PKHD1: variants seen among roughly 807,000 people sequenced by gnomAD.
PKHD1 encodes fibrocystin.
A neutral mutation model predicts 412.0 loss-of-function variants in PKHD1; 291 were observed. That is an observed-to-expected ratio of 0.71 (90% CI 0.64 to 0.78). The LOEUF is 0.78. Ranked by LOEUF, PKHD1 falls within the 30% of genes least tolerant of loss-of-function variation. The pLI is 0.00. For missense variants in PKHD1, 4,825 were observed against 4,950.7 expected, an observed-to-expected ratio of 0.97 and a Z score of 0.76; for synonymous variants, 1,777 against 1,821.5, an observed-to-expected ratio of 0.98 and a Z score of 0.62.
At chr6:51,863,286 A>G (rs570391057) in intron 48 of PKHD1, among the ~76,000 whole-genome samples, 1 of 152,168 alleles carries the variant, frequency 6.6e-6, no homozygotes, top group South Asian at 2.1e-4. Context: ...TACGTCCTGT[A>G]AAAACTCAGA....
At chr6:51,836,884 T>A (rs1769326835) in intron 50 of PKHD1, among the ~76,000 whole-genome samples, 1 of 152,212 alleles carries the variant, frequency 6.6e-6, no homozygotes. Flanking sequence ...ATGTATTTGG[T>A]TACCTTTATC....
rs959560823 is a variant in PKHD1 at position 51,930,658 on chromosome 6, G to T, written c.6121+3452C>A. ...GTGTGATTCTACATGACCTGAGCTGGAGTTAAATTAGAATCCATTCAGCAT... is the reference window on the plus strand; with the variant it reads ...GTGTGATTCTACATGACCTGAGCTGTAGTTAAATTAGAATCCATTCAGCAT... On this transcript the variant is annotated intron_variant, in intron 37 of 66. Coordinates refer to ENST00000371117, the MANE Select transcript of PKHD1 (RefSeq NM_138694.4). Among the ~76,000 whole-genome samples, 3 of 152,210 alleles carry T rather than the reference G, an allele frequency of 2.0e-5. No individual in the cohort carries two copies. In the South Asian group the frequency reaches 6.2e-4, roughly 32 times the overall value.
At chr6:51,907,644 AAAATT>A (rs917566715) in intron 40 of PKHD1, among the ~76,000 whole-genome samples, 2 of 152,144 alleles carry the variant, frequency 1.3e-5, no homozygotes, top group Non-Finnish European at 2.9e-5. Context: ...CCTAGAACTT[AAAATT>A]AAATTAAATT....
chr6:51,941,235 C>T (rs946645357), intron 36 of PKHD1, among the ~76,000 whole-genome samples: 1 of 123,802 alleles, frequency 8.1e-6, no homozygotes, highest in Non-Finnish European at 1.7e-5. Flanking sequence ...TACAGCATGG[C>T]CTTTTTTTTT....
intron 27 of PKHD1, among the ~76,000 whole-genome samples, chr6:52,040,272 T>C (rs1400018354): frequency 6.6e-6 from 1 of 152,228 alleles, no homozygotes; most frequent in Non-Finnish European, 1.5e-5. Context: ...TATCTCAATT[T>C]TTTAAGTTAA....
intron 60 of PKHD1, among the ~76,000 whole-genome samples, chr6:51,685,391 C>T (rs577293849): frequency 1.3e-5 from 2 of 152,100 alleles, no homozygotes; most frequent in Non-Finnish European, 2.9e-5. Context: ...AGTCTATGGG[C>T]TGATTATACG....
chr6:51,694,039 T>C (rs1778484194), intron 60 of PKHD1, among the ~76,000 whole-genome samples: 1 of 152,128 alleles, frequency 6.6e-6, no homozygotes, highest in Admixed American at 6.6e-5. Context: ...TAGCATTGAG[T>C]GCTGAGTCCT....
Position 52,050,151 on chromosome 6 carries a change from C to T in PKHD1, c.2279+6G>A. 6.2e-7 allele frequency: 1 copy of T among 1,613,874 alleles called. No homozygotes were observed. ...AAGGGACAGGTGTAAAAAAGCCACT[C>T]CTTACCGTGCAGTGATGAGCGGGAG... On this transcript the variant is annotated splice_donor_region_variant and intron_variant, in intron 22 of 66. Coordinates refer to ENST00000371117, the MANE Select transcript of PKHD1 (RefSeq NM_138694.4).
chr6:51,945,731 T>A (rs1789363248), intron 36 of PKHD1, among the ~76,000 whole-genome samples: 1 of 152,232 alleles, frequency 6.6e-6, no homozygotes, highest in Admixed American at 6.5e-5. Flanking sequence ...AAAACCAGTC[T>A]GTGAGATCAA....
At chr6:51,888,960 C>T (rs1778659030) in intron 43 of PKHD1, among the ~76,000 whole-genome samples, 1 of 151,788 alleles carries the variant, frequency 6.6e-6, no homozygotes, top group Admixed American at 6.6e-5. Context: ...TTCCTATGTG[C>T]CCACGTGCAT....
intron 52 of PKHD1, among the ~76,000 whole-genome samples, chr6:51,805,137 A>G (rs943042265): frequency 3.3e-5 from 5 of 152,218 alleles, no homozygotes; most frequent in African/African-American, 9.6e-5. Context: ...CTACCTGCCC[A>G]TCAATGGTGG....
At chr6:51,803,619 A>C (rs1328307912) in intron 52 of PKHD1, among the ~76,000 whole-genome samples, 1 of 151,684 alleles carries the variant, frequency 6.6e-6, no homozygotes, top group East Asian at 1.9e-4. Context: ...TCATTCACTT[A>C]GCAAATACTA....
At chr6:52,013,062 A>G (rs1800002161) in intron 34 of PKHD1, among the ~76,000 whole-genome samples, 1 of 152,138 alleles carries the variant, frequency 6.6e-6, no homozygotes, top group Non-Finnish European at 1.5e-5. Flanking sequence ...TAGGTCCTCA[A>G]TCATAAGAGT....
chr6:51,640,539 T>A (rs1819564), intron 63 of PKHD1, among the ~76,000 whole-genome samples: 6,515 of 152,248 alleles, frequency 0.043, 235 homozygotes, highest in African/African-American at 0.093. Context: ...TCCCTGATCA[T>A]GCTGGTATAA....
chr6:51,792,333 A>T (rs1332122194), intron 52 of PKHD1, among the ~76,000 whole-genome samples: 1 of 152,242 alleles, frequency 6.6e-6, no homozygotes, highest in African/African-American at 2.4e-5. Flanking sequence ...ATAATCACCA[A>T]CACATGTAAA....
In PKHD1 at chr6:51,771,564, A is replaced by G. The variant is rs111524485; in HGVS notation, c.8642+1138T>C. Among the ~76,000 whole-genome samples the G allele has an allele frequency of 5.9e-3, 901 of 151,966 alleles. 8 individuals carry two copies. The highest frequency in any genetic ancestry group is 0.018 in the African/African-American group (741 of 41,462). On this transcript the variant is annotated intron_variant, in intron 55 of 66. Transcript: ENST00000371117. ...AACCCAGGAGGTGGAGATCGCAATGAGCCAAGATTGTGCCATTGCAATCCA... is the reference window on the plus strand; with the variant it reads ...AACCCAGGAGGTGGAGATCGCAATGGGCCAAGATTGTGCCATTGCAATCCA...
chr6:51,840,683 CT>C (rs1418532312), intron 50 of PKHD1, among the ~76,000 whole-genome samples: 1 of 152,160 alleles, frequency 6.6e-6, no homozygotes, highest in Non-Finnish European at 1.5e-5. Flanking sequence ...ATGTAAGGAA[CT>C]AAACAAATTT....
chr6:51,855,835 A>C (rs1242888285), intron 49 of PKHD1, 58 bp downstream of exon 49: 1 of 1,324,562 alleles, frequency 7.5e-7, no homozygotes, highest in Non-Finnish European at 1.1e-6. Context: ...ATCTCAAACA[A>C]AGAAAGATAA....
intron 60 of PKHD1, among the ~76,000 whole-genome samples, chr6:51,673,129 C>G (rs1416846047): frequency 6.6e-6 from 1 of 152,158 alleles, no homozygotes; most frequent in Non-Finnish European, 1.5e-5. Context: ...CAACAAACAG[C>G]AGTAACCAGT....
Sources: gnomAD v4.1 joint callset for allele counts (sites outside exome capture counted in the v4.1 genomes callset) on GRCh38, gnomAD v4.1.1 for gene constraint, MANE v1.5 for transcripts, NCBI Gene and HGNC (gene_info 2026-07-23, HGNC 2026-07-21) for gene names.